The following ARID1B variants were observed in gnomAD, a reference collection of about 807,000 sequenced individuals.
ARID1B encodes the protein AT-rich interactive domain-containing protein 1B.
A neutral mutation model predicts 212.3 loss-of-function variants in ARID1B; 30 were observed. The observed-to-expected ratio is 0.14, with a 90% CI of 0.11 to 0.19. The LOEUF (loss-of-function observed/expected upper bound fraction) is 0.19. Ranked by LOEUF, ARID1B falls within the 10% of genes least tolerant of loss-of-function variation. The pLI is 1.00. For synonymous variants in ARID1B, 1,402 were observed against 1,301.7 expected (o/e 1.08, Z -1.66); for missense variants, 2,891 against 3,204.0 (o/e 0.90, Z 2.36).
chr6:157,167,224 T>TCC lies in ARID1B; in HGVS notation c.3235+42_3235+43dup, dbSNP rs1554228877. On this transcript the variant is annotated intron_variant, in intron 9 of 19. Transcript: ENST00000636930. ...CTCTGCGCTCCTGAGCCCCTCTCTC[T>TCC]CCCCTCTCCTCCTCTTAGGCTCCAC... 2.5e-6 allele frequency: 4 copies of TCC among 1,582,168 alleles called. No homozygotes were observed. The Admixed American group carries it at 6.9e-5, about 27-fold the overall frequency.
chr6:156,821,963 G>A lies in ARID1B; in HGVS notation c.1792-7264G>A, dbSNP rs73572275. Among the ~76,000 whole-genome samples, 1,178 of 152,144 alleles carry A rather than the reference G, an allele frequency of 7.7e-3. 17 individuals are homozygous for A. The highest frequency in any genetic ancestry group is 0.026 in the African/African-American group (1,100 of 41,518). ...GTTAGAGGGCACCGATAATTTCATG[G>A]TTCTTAGAGTTAGTAACAAAACAAC... On this transcript the variant is annotated intron_variant, in intron 1 of 19. Coordinates refer to ENST00000636930, the MANE Select transcript of ARID1B (RefSeq NM_001374828.1).
intron 4 of ARID1B, among the ~76,000 whole-genome samples, chr6:157,063,420 G>A (rs553909652): frequency 6.6e-6 from 1 of 152,194 alleles, no homozygotes; most frequent in East Asian, 1.9e-4. Context: ...TGAGGCATGC[G>A]GCTAATAAAA....
At chr6:157,108,854 A>G (rs929273741) in intron 5 of ARID1B, among the ~76,000 whole-genome samples, 4 of 152,208 alleles carry the variant, frequency 2.6e-5, no homozygotes, top group African/African-American at 7.2e-5. Flanking sequence ...GACACAGTGC[A>G]TATTTCTCAG....
chr6:156,865,239 A>G (rs903717771), intron 2 of ARID1B, among the ~76,000 whole-genome samples: 3 of 152,114 alleles, frequency 2.0e-5, no homozygotes, highest in African/African-American at 7.2e-5. Context: ...CCAATCCTTC[A>G]GTAGCTTTCT....
chr6:157,021,905 G>A (rs1406160009), intron 4 of ARID1B, among the ~76,000 whole-genome samples: 2 of 152,298 alleles, frequency 1.3e-5, no homozygotes, highest in African/African-American at 4.8e-5. Context: ...CTCGCCGCGC[G>A]CCCCTAACCT....
At chr6:157,180,468 C>T (rs193272885) in intron 11 of ARID1B, among the ~76,000 whole-genome samples, 57 of 152,192 alleles carry the variant, frequency 3.7e-4, no homozygotes, top group African/African-American at 1.3e-3. Context: ...CAGCAAGCAC[C>T]GTGTGGTTGC....
intron 4 of ARID1B, among the ~76,000 whole-genome samples, chr6:156,971,152 GATTCTAAAAGACATGA>G (rs1776895088): frequency 6.6e-6 from 1 of 152,168 alleles, no homozygotes; most frequent in Non-Finnish European, 1.5e-5. Context: ...TGGGGCTTTG[GATTCTAAAAGACATGA>G]ATTCATACAT....
intron 2 of ARID1B, among the ~76,000 whole-genome samples, chr6:156,889,417 T>C (rs1787757322): frequency 6.6e-6 from 1 of 152,254 alleles, no homozygotes; most frequent in African/African-American, 2.4e-5. Flanking sequence ...ACTACAATTA[T>C]ACACTTGCGT....
intron 1 of ARID1B, among the ~76,000 whole-genome samples, chr6:156,795,967 C>T (rs1009785070): frequency 1.2e-4 from 18 of 151,970 alleles, no homozygotes; most frequent in African/African-American, 4.1e-4. Flanking sequence ...GGTTCCTGCG[C>T]GGTGGGAAAG....
intron 1 of ARID1B, among the ~76,000 whole-genome samples, chr6:156,800,284 TTAAATTAAAA>T (rs1421538551): frequency 1.3e-5 from 2 of 152,226 alleles, no homozygotes; most frequent in African/African-American, 4.8e-5. Context: ...GTGTGGCTAT[TTAAATTAAAA>T]TTAATTAAAA....
chr6:156,910,934 T>G (rs1789822103), intron 3 of ARID1B, among the ~76,000 whole-genome samples: 1 of 152,210 alleles, frequency 6.6e-6, no homozygotes, highest in African/African-American at 2.4e-5. Context: ...AAAATTAGAA[T>G]AAGGCACTAA....
At chr6:156,942,668 C>G (rs1002778398) in intron 4 of ARID1B, 1 of 152,082 alleles carries the variant, frequency 6.6e-6, no homozygotes, top group Non-Finnish European at 1.5e-5. Flanking sequence ...CCTCTTCTCA[C>G]CCTAGCCTGC....
chr6:157,190,023 T>C lies in ARID1B; in HGVS notation c.4059-15T>C, dbSNP rs755086435. The C allele has an allele frequency of 8.7e-6, 14 of 1,612,438 alleles. No individual in the cohort carries two copies. The South Asian group carries it at 9.9e-5, about 11-fold the overall frequency. Reference sequence around the variant, plus strand: ...CTGCTGTATCATTAAGCTTTCATTCTTTGCCTCTCTTCAGAAGCAGTACAA... The same window carrying C: ...CTGCTGTATCATTAAGCTTTCATTCCTTGCCTCTCTTCAGAAGCAGTACAA... On this transcript the variant is annotated splice_polypyrimidine_tract_variant and intron_variant, in intron 14 of 19. Transcript: ENST00000636930. The surrounding 1 kb of genome is among the most constrained non-coding windows in gnomAD (Gnocchi z 4.6).
chr6:156,915,577 TAA>T lies in ARID1B; in HGVS notation c.2136+14064_2136+14065del, dbSNP rs111379557. On this transcript the variant is annotated intron_variant, in intron 3 of 19. Coordinates refer to ENST00000636930, the MANE Select transcript of ARID1B (RefSeq NM_001374828.1). ...AGCAAGACTCTGTCTCAAAAAAAAT[TAA>T]AAAAAAAAAAAGCACATTTTAAAGA... 2.5e-3 allele frequency among the ~76,000 whole-genome samples: 346 copies of T among 137,522 alleles called. 2 individuals carry two copies. The highest frequency in any genetic ancestry group is 8.7e-3 in the African/African-American group (331 of 38,184). The allele number at this position is 137,522 out of a possible 152,430, so 90.2% of individuals were successfully genotyped here.
chr6:157,128,937 C>T (rs1788343666), intron 6 of ARID1B, among the ~76,000 whole-genome samples: 1 of 152,202 alleles, frequency 6.6e-6, no homozygotes, highest in Non-Finnish European at 1.5e-5. Context: ...CCATAATACA[C>T]CCTTTTTAAC....
intron 1 of ARID1B, among the ~76,000 whole-genome samples, chr6:156,807,385 T>C (rs2127969057): frequency 6.6e-6 from 1 of 152,090 alleles, no homozygotes; most frequent in East Asian, 1.9e-4. Flanking sequence ...AGTTTCTTCA[T>C]GTTCTAGGAG....
intron 2 of ARID1B, among the ~76,000 whole-genome samples, chr6:156,861,268 G>A (rs1254373668): frequency 1.3e-5 from 2 of 152,168 alleles, no homozygotes; most frequent in African/African-American, 2.4e-5. Context: ...GTGTGCTGAC[G>A]AAGAGTAACC....
chr6:157,080,662 A>G (rs991438116), intron 4 of ARID1B, among the ~76,000 whole-genome samples: 6 of 152,184 alleles, frequency 3.9e-5, no homozygotes, highest in Non-Finnish European at 5.9e-5. Flanking sequence ...TTCTCTTGTC[A>G]AAGTCTGATA....
chr6:157,041,563 C>T (rs1284624926), intron 4 of ARID1B, among the ~76,000 whole-genome samples: 2 of 152,224 alleles, frequency 1.3e-5, no homozygotes, highest in Admixed American at 1.3e-4. Context: ...GATTAGGTGG[C>T]TAAGTCCAGA....
Sources: gnomAD v4.1 joint callset for allele counts (sites outside exome capture counted in the v4.1 genomes callset) on GRCh38, gnomAD v4.1.1 for gene constraint, Gnocchi (gnomAD v3.1) non-coding constraint, MANE v1.5 for transcripts, NCBI Gene and HGNC (gene_info 2026-07-23, HGNC 2026-07-21) for gene names.